Variants in CLSPN observed in about 807,000 individuals in gnomAD.
The protein encoded by CLSPN is claspin homolog.
A neutral mutation model predicts 156.3 loss-of-function variants in CLSPN; 85 were observed. That is an observed-to-expected ratio of 0.54 (90% confidence interval 0.46 to 0.65). The LOEUF is 0.65. Ranked by LOEUF, CLSPN falls within the 30% of genes least tolerant of loss-of-function variation. CLSPN has a pLI of 0.00. For missense variants in CLSPN, 1,407 were observed against 1,554.9 expected, an observed-to-expected ratio of 0.90 and a Z score of 1.60; for synonymous variants, 534 against 542.4, an observed-to-expected ratio of 0.98 and a Z score of 0.22.
At position 35,734,416 on chromosome 1, in the gene CLSPN, A is replaced by C; in HGVS notation, c.*2080T>G. The C allele has an allele frequency of 1.0e-6, 1 of 980,290 alleles. No homozygotes were observed. Among genetic ancestry groups the C allele is most frequent in the Non-Finnish European group, 1.2e-6 (1 of 825,230 alleles). 60.7% of individuals were successfully genotyped at this position (980,290 alleles called of 1,614,324 possible). A position where few individuals can be genotyped will look rare whatever the true frequency, so the allele number is the denominator to read the frequency against. Reference sequence around the variant, plus strand: ...GAAAACCGGCCGGGTGCGGTGGCTCATGCCTATAATCCCAGCACTTTGGGA... The same window carrying C: ...GAAAACCGGCCGGGTGCGGTGGCTCCTGCCTATAATCCCAGCACTTTGGGA... On this transcript the variant is annotated 3_prime_UTR_variant, in exon 25 of 25. Transcript: ENST00000318121.
At position 35,736,490 on chromosome 1, in the gene CLSPN, A is replaced by G. The variant is rs375903787; in HGVS notation, c.*6T>C. 3.2e-6 allele frequency: 5 copies of G among 1,578,646 alleles called. No homozygotes were observed. The highest frequency in any genetic ancestry group is 4.3e-6 in the Non-Finnish European group (5 of 1,165,358). ...CTCAATGTAGATTTTGGCACCTTTG[A>G]TGGTGTTAGCTCTCCAAATATTTGA... is the stretch of plus-strand genomic sequence containing the variant. On this transcript the variant is annotated 3_prime_UTR_variant, in exon 25 of 25. Transcript: ENST00000318121.
In CLSPN at chr1:35,748,413, C is replaced by T. The variant is rs757844279; in HGVS notation, c.2464G>A (p.Ala822Thr). 3 of 1,613,936 alleles carry T rather than the reference C, an allele frequency of 1.9e-6. No individual in the cohort carries two copies. In the Admixed American group the frequency reaches 5.0e-5, roughly 27 times the overall value. ...GLFRASLVSS[A>T]SKSSGKLSEP... is the part of the protein sequence containing the mutation. ...AACCATTACCATCTTACCTTAGAAG[C>T]TGAGCTGACCAAACTGGCTCGAAAT... is the stretch of plus-strand genomic sequence containing the variant. Residue 822 changes from alanine to threonine, a missense_variant, in exon 13 of 25, where the codon GCT becomes ACT. Physicochemically the swap from Ala to Thr is moderately conservative, Grantham distance 58 (BLOSUM62 0). Around this residue, in one of 3 missense-constraint regions of CLSPN, gnomAD observed 1,096 missense variants for 1,193.0 expected, o/e 0.92. Transcript: ENST00000318121.
intron 24 of CLSPN, among the ~76,000 whole-genome samples, chr1:35,723,864 G>A (rs1232594753): frequency 1.3e-5 from 2 of 152,262 alleles, no homozygotes; most frequent in Middle Eastern, 3.4e-3. Context: ...GGTGGCACAC[G>A]CCTGTAATCC....
chr1:35,760,509 A>T lies in CLSPN; in HGVS notation c.1412T>A (p.Val471Glu), dbSNP rs773752545. 1 of 1,614,112 alleles carries T rather than the reference A, an allele frequency of 6.2e-7. No individual in the cohort carries two copies. The highest frequency in any genetic ancestry group is 8.5e-7 in the Non-Finnish European group (1 of 1,180,026). ...TTTATTTTGCTGCTCAGGCTCTTCC[A>T]CTTTCTCATCTGTTTCTTCTGGATT... Reference protein sequence around the residue: ...PQNPEETDEKVEEPEQQNKSS... With the variant: ...PQNPEETDEKEEEPEQQNKSS... The change falls in exon 8 of 25, where the codon GTG becomes GAG. Residue 471 changes from valine to glutamate, a missense_variant. Physicochemically the swap from Val to Glu is moderately radical, Grantham distance 121. Transcript: ENST00000318121.
In CLSPN at chr1:35,736,570, AAGG is replaced by A. The variant is rs1245861709; in HGVS notation, c.3943_3945del (p.Pro1315del). On this transcript the variant is annotated inframe_deletion, in exon 25 of 25. Transcript: ENST00000318121. Reference sequence around the variant, plus strand: ...TCATCTGTTTTGAGGTGCTTAGGTGAAGGAGAAGTCATGAAAGATGGACCCCTT... The same window carrying A: ...TCATCTGTTTTGAGGTGCTTAGGTGAAGAAGTCATGAAAGATGGACCCCTT... 13 of 1,612,600 alleles carry A rather than the reference AAGG, an allele frequency of 8.1e-6. No homozygotes were observed. The highest frequency in any genetic ancestry group is 1.1e-5 in the Non-Finnish European group (13 of 1,179,506).
Position 35,738,100 on chromosome 1 carries a change from GAAAA to G in CLSPN, c.3559-7_3559-4del, listed in dbSNP as rs367728453. On this transcript the variant is annotated splice_region_variant and splice_polypyrimidine_tract_variant and intron_variant, in intron 21 of 24. Coordinates refer to ENST00000318121, the MANE Select transcript of CLSPN (RefSeq NM_022111.4). ...GCTGTAATTTTCCCCTGCTGTGCCT[GAAAA>G]AAAAAAAAAATATATATATATATAT... 550 of 355,672 alleles carry G rather than the reference GAAAA, an allele frequency of 1.5e-3. 21 individuals are homozygous for G. Among genetic ancestry groups the G allele is most frequent in the African/African-American group, 7.2e-3 (164 of 22,842 alleles). 22.0% of individuals were successfully genotyped at this position (355,672 alleles called of 1,614,324 possible). A position where few individuals can be genotyped will look rare whatever the true frequency, so the allele number is the denominator to read the frequency against.
downstream of CLSPN, among the ~76,000 whole-genome samples, chr1:35,727,774 C>T (rs556906011): frequency 2.6e-5 from 4 of 152,302 alleles, no homozygotes; most frequent in African/African-American, 9.6e-5. Flanking sequence ...AACTGTGAAG[C>T]TAGTATTAAC....
intron 24 of CLSPN, chr1:35,721,073 C>T: frequency 1.2e-6 from 1 of 869,048 alleles, no homozygotes; most frequent in Non-Finnish European, 1.8e-6. Flanking sequence ...TGCATCTAAA[C>T]TTATAGTTTT....
rs1175155270 is a variant in CLSPN at position 35,749,683 on chromosome 1, G to A, written c.2157C>T (p.Leu719=). Residue 719 remains leucine, a synonymous_variant, in exon 11 of 25, where the codon CTC becomes CTT. Transcript: ENST00000318121. ...ACAGAAGTAAAGTAGAATCTGATGA[G>A]AGAGACTTGGGAACAGAGAGGAAGC... ...AVGFLSVPKS[L]SSDSTLLLFK... The A allele has an allele frequency of 6.2e-7, 1 of 1,614,132 alleles. No individual in the cohort carries two copies. Among genetic ancestry groups the A allele is most frequent in the Non-Finnish European group, 8.5e-7 (1 of 1,179,984 alleles).
At chr1:35,720,291 A>C (rs532488441) in exon 25 of CLSPN, 2 of 152,304 alleles carry the variant, frequency 1.3e-5, no homozygotes, top group South Asian at 4.1e-4. Flanking sequence ...AGGCAGAAGT[A>C]ATTCAAACTT....
At chr1:35,749,331 AC>A (rs1366979564) in intron 12 of CLSPN, 135 bp downstream of exon 12, 3 of 788,118 alleles carry the variant, frequency 3.8e-6, no homozygotes, top group African/African-American at 3.5e-5. Context: ...TAATTCATAA[AC>A]CCTTTTCATA....
intron 23 of CLSPN, 22 bp from the exon 24 acceptor site, chr1:35,737,097 G>C: frequency 1.2e-6 from 2 of 1,607,308 alleles, no homozygotes; most frequent in South Asian, 2.2e-5. Flanking sequence ...AGAGTCATCT[G>C]GTATCAAATC....
At chr1:35,745,207 T>C (rs1385664683) in intron 16 of CLSPN, among the ~76,000 whole-genome samples, 1 of 152,242 alleles carries the variant, frequency 6.6e-6, no homozygotes, top group African/African-American at 2.4e-5. Context: ...AAAAGTCATC[T>C]TAATGGGTGT....
chr1:35,760,091 C>T (rs1642421585), intron 8 of CLSPN, among the ~76,000 whole-genome samples: 1 of 152,182 alleles, frequency 6.6e-6, no homozygotes, highest in South Asian at 2.1e-4. Flanking sequence ...CTTGGCCTCC[C>T]AAAGTGCTGG....
At chr1:35,741,440 C>T (rs186331946) in intron 18 of CLSPN, among the ~76,000 whole-genome samples, 11 of 152,192 alleles carry the variant, frequency 7.2e-5, no homozygotes, top group Admixed American at 4.6e-4. Flanking sequence ...GCTTTGCCTC[C>T]TGAGTAGCTG....
intron 16 of CLSPN, among the ~76,000 whole-genome samples, chr1:35,743,754 G>A (rs1245416248): frequency 6.6e-6 from 1 of 152,042 alleles, no homozygotes; most frequent in Non-Finnish European, 1.5e-5. Flanking sequence ...CTCCTGAGTA[G>A]CTGGGACTAG....
In CLSPN at chr1:35,732,124, T is replaced by C. The variant is rs2148609298; in HGVS notation, c.*4372A>G. The C allele has an allele frequency of 2.0e-6, 2 of 978,566 alleles. No individual in the cohort carries two copies. The highest frequency in any genetic ancestry group is 2.4e-6 in the Non-Finnish European group (2 of 823,712). 60.6% of individuals were successfully genotyped at this position (978,566 alleles called of 1,614,324 possible). On this transcript the variant is annotated 3_prime_UTR_variant, in exon 25 of 25. Transcript: ENST00000318121. ...TAAACAGAGGCTCTGAAAGGTGTAG[T>C]GTTATTTATTCAAACTGTGGTAGGC...
At chr1:35,744,337 T>C (rs6688845) in intron 16 of CLSPN, among the ~76,000 whole-genome samples, 48,217 of 152,126 alleles carry the variant, frequency 0.32, 11,501 homozygotes, top group East Asian at 0.77. Flanking sequence ...GACAGGGTCT[T>C]GCTCTGATGC....
chr1:35,751,893 A>G (rs1642099602), intron 9 of CLSPN, among the ~76,000 whole-genome samples: 1 of 152,226 alleles, frequency 6.6e-6, no homozygotes, highest in South Asian at 2.1e-4. Flanking sequence ...AAATAAACAT[A>G]TATTGTTAAT....
Sources: allele counts gnomAD v4.1 joint callset (sites outside exome capture counted in the v4.1 genomes callset), GRCh38; gene constraint gnomAD v4.1.1; regional missense constraint gnomAD v4.1.1; transcripts MANE v1.5; gene names NCBI Gene and HGNC (gene_info 2026-07-23, HGNC 2026-07-21).